CEP295: variants seen among roughly 807,000 people sequenced by gnomAD.
The protein encoded by CEP295 is centrosomal protein of 295 kDa.
CEP295 carries 190 observed loss-of-function variants against 291.6 expected under a neutral mutation model. That is an observed-to-expected ratio of 0.65 (90% CI 0.58 to 0.73). CEP295 has a LOEUF of 0.73. CEP295 is among the 30% of genes least tolerant of loss of function. The pLI is 0.00. For missense variants in CEP295, 2,863 were observed against 2,949.4 expected (o/e 0.97, Z 0.68); for synonymous variants, 993 against 1,038.8 (o/e 0.96, Z 0.85).
intron 18 of CEP295, among the ~76,000 whole-genome samples, chr11:93,714,244 T>C (rs1331169682): frequency 1.3e-5 from 2 of 152,086 alleles, no homozygotes; most frequent in African/African-American, 4.8e-5. Context: ...ATTAAAGAGT[T>C]AGGTGTTTCT....
intron 25 of CEP295, 80 bp downstream of exon 25, chr11:93,728,901 C>T (rs1448891334): frequency 3.4e-5 from 44 of 1,281,296 alleles, no homozygotes; most frequent in Non-Finnish European, 1.1e-6. Flanking sequence ...TCAGAAGGTA[C>T]TCATTGGAGG....
At chr11:93,671,539 A>G (rs1950449080) in intron 5 of CEP295, among the ~76,000 whole-genome samples, 1 of 152,134 alleles carries the variant, frequency 6.6e-6, no homozygotes, top group Non-Finnish European at 1.5e-5. Flanking sequence ...AAGACCCCTG[A>G]TTCTTTTTAG....
At chr11:93,726,915 C>T (rs967274414) in intron 23 of CEP295, 61 bp from the exon 24 acceptor site, 2 of 1,305,670 alleles carry the variant, frequency 1.5e-6, no homozygotes, top group Non-Finnish European at 2.1e-6. Flanking sequence ...TAGAGACTGT[C>T]AGTATCCAAC....
At position 93,681,403 on chromosome 11, in the gene CEP295, ATTTTTTTTTTTT is replaced by A. The variant is rs71064773; in HGVS notation, c.765+1870_765+1881del. On this transcript the variant is annotated intron_variant, in intron 7 of 29. Transcript: ENST00000325212. ...AGGCTCGCGTCACCACACCCAGCTA[ATTTTTTTTTTTT>A]TTTTTTTTTTTTTTTTTTGTGACAG... is the stretch of plus-strand genomic sequence containing the variant. Among the ~76,000 whole-genome samples, 11 of 36,530 alleles carry A rather than the reference ATTTTTTTTTTTT, an allele frequency of 3.0e-4. No individual in the cohort carries two copies. In the South Asian group the frequency reaches 9.7e-3, roughly 32 times the overall value. The allele number at this position is 36,530 out of a possible 152,430, so 24.0% of individuals were successfully genotyped here.
Position 93,702,507 on chromosome 11 carries a change from G to T in CEP295, c.5322G>T (p.Gly1774=). Residue 1774 remains glycine, a synonymous_variant, in exon 16 of 30, where the codon GGG becomes GGT. Transcript: ENST00000325212. ...ATGATTTAAAAACCCAGAAGATGGG[G>T]CAGCTCAGAGACTGGTTTCCTAATA... is the stretch of plus-strand genomic sequence containing the variant. ...VENDLKTQKM[G]QLRDWFPNTQ... The T allele has an allele frequency of 6.5e-7, 1 of 1,546,654 alleles. No individual in the cohort carries two copies. Among genetic ancestry groups the T allele is most frequent in the Non-Finnish European group, 8.7e-7 (1 of 1,145,706 alleles).
chr11:93,729,450 C>T lies in CEP295; in HGVS notation c.7319C>T (p.Pro2440Leu), dbSNP rs992045691. 12 of 1,551,308 alleles carry T rather than the reference C, an allele frequency of 7.7e-6. No individual in the cohort carries two copies. Among genetic ancestry groups the T allele is most frequent in the Non-Finnish European group, 1.0e-5 (12 of 1,146,642 alleles). ...KCFFQVSEFL[P>L]LVSATEASDY... ...TGCCATTAGGTGAGTGAGTTTCTGC[C>T]TCTTGTATCAGCAACAGAAGCCTCA... is the stretch of plus-strand genomic sequence containing the variant. Residue 2440 changes from proline (P) to leucine (L), a missense_variant, in exon 26 of 30, where the codon CCT (proline) becomes CTT (leucine). Transcript: ENST00000325212.
chr11:93,730,050 T>C lies in CEP295; in HGVS notation c.7669T>C (p.Leu2557=). The C allele has an allele frequency of 6.5e-7, 1 of 1,546,588 alleles. No individual in the cohort carries two copies. The highest frequency in any genetic ancestry group is 8.7e-7 in the Non-Finnish European group (1 of 1,144,582). Residue 2557 remains leucine (L), a splice_region_variant and synonymous_variant, in exon 29 of 30, where the codon TTA becomes CTA. Transcript: ENST00000325212. ...TAATTCTATATAAATTCTTTACAGGTTATACAATCAACTAGCTGAAGTGAA... is the reference window on the plus strand; with the variant it reads ...TAATTCTATATAAATTCTTTACAGGCTATACAATCAACTAGCTGAAGTGAA... ...QALRHQRGLR[L]YNQLAEVKQQ...
intron 24 of CEP295, chr11:93,728,258 TTGTTG>T (rs1192846519): frequency 2.6e-5 from 4 of 156,550 alleles, no homozygotes; most frequent in African/African-American, 4.8e-5. Context: ...GCTTTTGTTC[TTGTTG>T]TGTTTAGATA....
At chr11:93,691,886 T>TA in intron 11 of CEP295, 41 bp from the exon 12 acceptor site, 1 of 1,386,052 alleles carries the variant, frequency 7.2e-7, no homozygotes, top group Non-Finnish European at 9.9e-7. Flanking sequence ...GTCAAAATTC[T>TA]AAATTATTGA....
At chr11:93,720,698 G>A (rs909027416) in intron 18 of CEP295, among the ~76,000 whole-genome samples, 5 of 151,996 alleles carry the variant, frequency 3.3e-5, no homozygotes, top group African/African-American at 9.7e-5. Flanking sequence ...GCTCAAGCAA[G>A]CCACCCTCCC....
Position 93,696,889 on chromosome 11 carries a change from A to G in CEP295, c.1977A>G (p.Gln659=). The change falls in exon 15 of 30, where the codon CAA becomes CAG. Residue 659 remains glutamine, a synonymous_variant. Transcript: ENST00000325212. The part of the protein sequence containing the change: ...QRLKLSPNKY[Q]PIQPIQTSKL... ...TCAAGTTGAGTCCTAACAAATACCA[A>G]CCCATACAACCTATACAGACCTCCA... 1.9e-6 allele frequency: 3 copies of G among 1,551,912 alleles called. No homozygotes were observed. Among genetic ancestry groups the G allele is most frequent in the Non-Finnish European group, 2.6e-6 (3 of 1,147,028 alleles).
At chr11:93,696,107 AC>A (rs1280343853) in intron 13 of CEP295, among the ~76,000 whole-genome samples, 2 of 152,240 alleles carry the variant, frequency 1.3e-5, no homozygotes, top group Admixed American at 1.3e-4. Context: ...ACTAATAGAT[AC>A]GACCATGGTT....
chr11:93,675,295 A>G (rs2134869942), intron 5 of CEP295, among the ~76,000 whole-genome samples: 1 of 152,252 alleles, frequency 6.6e-6, no homozygotes, highest in East Asian at 1.9e-4. Context: ...AGATTTAAAG[A>G]TGAAATTTCT....
In CEP295 at chr11:93,723,250, A is replaced by G; in HGVS notation, c.6157A>G (p.Asn2053Asp). The G allele has an allele frequency of 6.5e-7, 1 of 1,538,382 alleles. No homozygotes were observed. Among genetic ancestry groups the G allele is most frequent in the African/African-American group, 1.4e-5 (1 of 72,666 alleles). ...TCAGCAAATGATAGACAAGTACATT[A>G]ATGAAGCAAATTTGATACCTGAAAA... ...HFQQMIDKYINEANLIPEKTD... is the reference protein window; with the variant it reads ...HFQQMIDKYIDEANLIPEKTD... The change falls in exon 21 of 30, where the codon AAT (asparagine) becomes GAT (aspartate). Residue 2053 changes from asparagine (N) to aspartate (D), a missense_variant. By Grantham distance (23) the Asn-to-Asp change is conservative. Coordinates refer to ENST00000325212, the MANE Select transcript of CEP295 (RefSeq NM_033395.2).
At chr11:93,687,244 G>A (rs546201949) in intron 9 of CEP295, among the ~76,000 whole-genome samples, 1 of 152,068 alleles carries the variant, frequency 6.6e-6, no homozygotes, top group Non-Finnish European at 1.5e-5. Context: ...CCATATTTGG[G>A]ACCATTCTCT....
At position 93,675,026 on chromosome 11, in the gene CEP295, G is replaced by T. The variant is rs1211323475; in HGVS notation, c.529-545G>T. On this transcript the variant is annotated intron_variant, in intron 5 of 29. Transcript: ENST00000325212. Reference sequence around the variant, plus strand: ...CTACAAAATACAGGAAAGGGAAGGGGGAAGGTAGTTTACTTTCATTCTTCT... The same window carrying T: ...CTACAAAATACAGGAAAGGGAAGGGTGAAGGTAGTTTACTTTCATTCTTCT... 3.3e-5 allele frequency among the ~76,000 whole-genome samples: 5 copies of T among 152,142 alleles called. No homozygotes were observed. In the East Asian group the frequency reaches 9.6e-4, roughly 29 times the overall value.
intron 7 of CEP295, among the ~76,000 whole-genome samples, chr11:93,681,905 G>A (rs1302525609): frequency 2.0e-5 from 3 of 150,664 alleles, no homozygotes; most frequent in Non-Finnish European, 4.4e-5. Flanking sequence ...CTGATCATCT[G>A]TTTTGTGAGG....
At position 93,702,389 on chromosome 11, in the gene CEP295, T is replaced by C. The variant is rs186915985; in HGVS notation, c.5275-71T>C. On this transcript the variant is annotated intron_variant, in intron 15 of 29. Coordinates refer to ENST00000325212, the MANE Select transcript of CEP295 (RefSeq NM_033395.2). ...ACGTTCTAATTTAAGAAGGGAGATA[T>C]AAATCTAATGAATAATGCTTCACAT... The C allele has an allele frequency of 3.3e-3, 3,370 of 1,029,586 alleles. 9 individuals carry two copies. The highest frequency in any genetic ancestry group is 4.0e-3 in the Non-Finnish European group (2,919 of 734,068). The allele number at this position is 1,029,586 out of a possible 1,614,324, so 63.8% of individuals were successfully genotyped here.
intron 21 of CEP295, 36 bp from the exon 22 acceptor site, chr11:93,724,218 C>T (rs1442576846): frequency 4.6e-6 from 7 of 1,510,604 alleles, no homozygotes; most frequent in Admixed American, 4.7e-5. Flanking sequence ...GATTTTTTTC[C>T]CTCAAAAATT....
Sources: allele counts gnomAD v4.1 joint callset (sites outside exome capture counted in the v4.1 genomes callset), GRCh38; gene constraint gnomAD v4.1.1; transcripts MANE v1.5; gene names NCBI Gene and HGNC (gene_info 2026-07-23, HGNC 2026-07-21).